Variants in RBFOX1 observed in about 807,000 individuals in gnomAD.
RBFOX1 encodes RNA binding fox-1 homolog 1.
In RBFOX1, 8 loss-of-function variants were observed where a neutral mutation model predicts 57.7. The ratio of observed to expected loss-of-function variants is 0.14; its 90% confidence interval spans 0.08 to 0.25. The LOEUF is 0.25. Ranked by LOEUF, RBFOX1 falls within the 10% of genes least tolerant of loss-of-function variation. The probability of loss-of-function intolerance (pLI) is 1.00; values close to 1 mark genes in which losing one functional copy is unlikely to be tolerated. For missense variants in RBFOX1, 611 were observed against 548.5 expected (o/e 1.11, Z -1.14); for synonymous variants, 326 against 222.4 (o/e 1.47, Z -4.15).
At chr16:6,914,996 G>T (rs542082604) in intron 3 of RBFOX1, among the ~76,000 whole-genome samples, 1 of 152,356 alleles carries the variant, frequency 6.6e-6, no homozygotes, top group African/African-American at 2.4e-5. Flanking sequence ...CTATTGCCAG[G>T]CAGCAAGCAG....
At chr16:7,241,771 C>G (rs949567791) in intron 4 of RBFOX1, among the ~76,000 whole-genome samples, 1 of 151,794 alleles carries the variant, frequency 6.6e-6, no homozygotes, top group Non-Finnish European at 1.5e-5. Flanking sequence ...ATCCCCCCTT[C>G]TTTTTCTCTT....
intron 4 of RBFOX1, among the ~76,000 whole-genome samples, chr16:7,110,947 C>G (rs1049163599): frequency 6.6e-6 from 1 of 152,132 alleles, no homozygotes; most frequent in Non-Finnish European, 1.5e-5. Flanking sequence ...CATCCATGCT[C>G]TCCCTGAAAT....
At chr16:5,638,601 C>A (rs567261506) in intron 3 of RBFOX1, among the ~76,000 whole-genome samples, 1 of 152,194 alleles carries the variant, frequency 6.6e-6, no homozygotes, top group African/African-American at 2.4e-5. Flanking sequence ...GATTGTGCCT[C>A]TACCTTCTTT....
At chr16:7,144,298 A>C (rs559068896) in intron 4 of RBFOX1, among the ~76,000 whole-genome samples, 38 of 152,280 alleles carry the variant, frequency 2.5e-4, no homozygotes, top group African/African-American at 9.1e-4. Flanking sequence ...ATATATGCAC[A>C]AAGATAACAC....
At chr16:6,993,138 A>T (rs779982372) in intron 3 of RBFOX1, among the ~76,000 whole-genome samples, 17 of 152,140 alleles carry the variant, frequency 1.1e-4, no homozygotes, top group Admixed American at 7.2e-4. Flanking sequence ...GATGGACTGA[A>T]CTGTAACACT....
chr16:5,718,758 A>G (rs991626386), intron 3 of RBFOX1, among the ~76,000 whole-genome samples: 1 of 152,144 alleles, frequency 6.6e-6, no homozygotes, highest in African/African-American at 2.4e-5. Context: ...AGCTACAAAA[A>G]TTAGCCGGGG....
chr16:5,329,600 A>G (rs1282476056), intron 1 of RBFOX1, among the ~76,000 whole-genome samples: 1 of 152,264 alleles, frequency 6.6e-6, no homozygotes, highest in African/African-American at 2.4e-5. Context: ...ATTCAAGTTT[A>G]CTGTCTTAGT....
At chr16:5,814,427 C>T (rs1293846397) in intron 3 of RBFOX1, among the ~76,000 whole-genome samples, 4 of 152,198 alleles carry the variant, frequency 2.6e-5, no homozygotes, top group Non-Finnish European at 4.4e-5. Context: ...ATACCCCCAG[C>T]AGCGACAATA....
At chr16:6,728,413 C>T (rs1437226643) in intron 3 of RBFOX1, among the ~76,000 whole-genome samples, 2 of 152,134 alleles carry the variant, frequency 1.3e-5, no homozygotes, top group African/African-American at 4.8e-5. Context: ...TCCTTGAGCC[C>T]AGTTGTATTT....
intron 4 of RBFOX1, among the ~76,000 whole-genome samples, chr16:7,366,343 C>T (rs1436493821): frequency 1.3e-5 from 2 of 152,208 alleles, no homozygotes; most frequent in African/African-American, 4.8e-5. Flanking sequence ...ATCACAAAGG[C>T]ACGGCACCTA....
chr16:6,875,123 A>C (rs893772709), intron 3 of RBFOX1, among the ~76,000 whole-genome samples: 1 of 152,162 alleles, frequency 6.6e-6, no homozygotes, highest in Non-Finnish European at 1.5e-5. Flanking sequence ...GTGTTACCCT[A>C]AGTTGCTTAT....
chr16:6,946,987 G>C (rs912887519), intron 3 of RBFOX1, among the ~76,000 whole-genome samples: 5 of 152,136 alleles, frequency 3.3e-5, no homozygotes, highest in African/African-American at 1.2e-4. Flanking sequence ...AGCCTGACCA[G>C]TTTCCTAGCC....
chr16:5,500,329 C>T (rs1241714036), intron 2 of RBFOX1, among the ~76,000 whole-genome samples: 1 of 151,912 alleles, frequency 6.6e-6, no homozygotes, highest in East Asian at 1.9e-4. Context: ...TTCAAGTGAT[C>T]CTCCCACCTC....
chr16:6,999,784 G>T (rs900921307), intron 3 of RBFOX1, among the ~76,000 whole-genome samples: 37 of 151,980 alleles, frequency 2.4e-4, no homozygotes, highest in East Asian at 1.2e-3. Context: ...TTTAAAATTA[G>T]CAATAGGCCA....
At chr16:5,533,998 C>T (rs1314720936) in intron 2 of RBFOX1, among the ~76,000 whole-genome samples, 2 of 152,116 alleles carry the variant, frequency 1.3e-5, no homozygotes, top group African/African-American at 4.8e-5. Context: ...TTGCCAGGGT[C>T]AGTGTCCCCA....
chr16:5,481,078 G>A (rs1013748603), intron 2 of RBFOX1, among the ~76,000 whole-genome samples: 3 of 152,184 alleles, frequency 2.0e-5, no homozygotes, highest in East Asian at 1.9e-4. Context: ...AAAATACTCC[G>A]ACTCTCACTG....
At chr16:6,689,444 A>G (rs963598097) in intron 3 of RBFOX1, among the ~76,000 whole-genome samples, 1 of 152,050 alleles carries the variant, frequency 6.6e-6, no homozygotes, top group Non-Finnish European at 1.5e-5. Flanking sequence ...TTATATGGTA[A>G]TTTCTTCTCA....
chr16:7,250,690 T>G (rs2094470677), intron 4 of RBFOX1, among the ~76,000 whole-genome samples: 1 of 152,216 alleles, frequency 6.6e-6, no homozygotes, highest in Non-Finnish European at 1.5e-5. Flanking sequence ...TACTGAATTT[T>G]CAGAATTTTT....
chr16:6,439,625 C>G (rs750291208), intron 2 of RBFOX1, among the ~76,000 whole-genome samples: 1 of 152,120 alleles, frequency 6.6e-6, no homozygotes, highest in Non-Finnish European at 1.5e-5. Context: ...ATTGTTTCCC[C>G]GAACCACTAT....
Sources: allele counts gnomAD v4.1 joint callset (sites outside exome capture counted in the v4.1 genomes callset), GRCh38; gene constraint gnomAD v4.1.1; transcripts MANE v1.5; gene names NCBI Gene and HGNC (gene_info 2026-07-23, HGNC 2026-07-21).